Variants in ARHGEF38 observed in about 807,000 individuals in gnomAD.
The protein encoded by ARHGEF38 is Rho guanine nucleotide exchange factor (GEF) 38.
Under a neutral mutation model 79.9 loss-of-function variants are expected in ARHGEF38, and 79 were observed. The ratio of observed to expected loss-of-function variants is 0.99; its 90% CI spans 0.82 to 1.19. The LOEUF (loss-of-function observed/expected upper bound fraction) is 1.19, where lower values mean the gene tolerates loss of function less well. Ranked by LOEUF, ARHGEF38 falls within the 50% of genes most tolerant of loss-of-function variation. The probability of loss-of-function intolerance (pLI) is 0.00; values close to 1 mark genes in which losing one functional copy is unlikely to be tolerated. For synonymous variants in ARHGEF38, 366 were observed against 328.3 expected (o/e 1.11, Z -1.24); for missense variants, 962 against 907.2 (o/e 1.06, Z -0.78).
At chr4:105,633,179 C>T (rs1729264546) in intron 4 of ARHGEF38, 1 of 152,242 alleles carries the variant, frequency 6.6e-6, no homozygotes, top group African/African-American at 2.4e-5. Flanking sequence ...CCAAAAGAAG[C>T]AGTATTGGCA....
chr4:105,641,289 A>G (rs1729604954), intron 5 of ARHGEF38, among the ~76,000 whole-genome samples: 1 of 152,098 alleles, frequency 6.6e-6, no homozygotes, highest in South Asian at 2.1e-4. Flanking sequence ...CCCTATTTCC[A>G]TGGGTAACCA....
Position 105,678,126 on chromosome 4 carries a change from G to T in ARHGEF38, c.*189G>T, listed in dbSNP as rs780789616. ...CATGAATGTATTATAAAGGATACATGTTGAAAGAAATACTAAGCCAACAGA... is the reference window on the plus strand; with the variant it reads ...CATGAATGTATTATAAAGGATACATTTTGAAAGAAATACTAAGCCAACAGA... On this transcript the variant is annotated 3_prime_UTR_variant, in exon 14 of 14. Coordinates refer to ENST00000420470, the MANE Select transcript of ARHGEF38 (RefSeq NM_001242729.2). 9 of 429,256 alleles carry T rather than the reference G, an allele frequency of 2.1e-5. No individual in the cohort carries two copies. Among genetic ancestry groups the T allele is most frequent in the Non-Finnish European group, 3.2e-5 (8 of 251,604 alleles). The allele number at this position is 429,256 out of a possible 1,614,324, so 26.6% of individuals were successfully genotyped here. A position where few individuals can be genotyped will look rare whatever the true frequency, so the allele number is the denominator to read the frequency against.
Position 105,679,216 on chromosome 4 carries a change from G to C in ARHGEF38, c.*1279G>C, listed in dbSNP as rs1472201182. ...GCCTGACCAGCCACTCCTCTGTCTG[G>C]AATTAAAAGATGTTTCCATCATAAT... On this transcript the variant is annotated 3_prime_UTR_variant, in exon 14 of 14. Coordinates refer to ENST00000420470, the MANE Select transcript of ARHGEF38 (RefSeq NM_001242729.2). 1 of 650,476 alleles carries C rather than the reference G, an allele frequency of 1.5e-6. No homozygotes were observed. Among genetic ancestry groups the C allele is most frequent in the Non-Finnish European group, 2.8e-6 (1 of 360,904 alleles). 40.3% of individuals were successfully genotyped at this position (650,476 alleles called of 1,614,324 possible).
intron 1 of ARHGEF38, among the ~76,000 whole-genome samples, chr4:105,571,967 C>T (rs962079681): frequency 2.6e-5 from 4 of 152,162 alleles, no homozygotes; most frequent in African/African-American, 9.7e-5. Flanking sequence ...GATATATAGT[C>T]AAACAGCCTG....
chr4:105,595,340 C>A (rs1450972532), intron 2 of ARHGEF38, among the ~76,000 whole-genome samples: 1 of 151,950 alleles, frequency 6.6e-6, no homozygotes, highest in Non-Finnish European at 1.5e-5. Flanking sequence ...GCCTTATGCT[C>A]AAAAATTTGT....
chr4:105,662,558 T>A (rs1461956316), intron 10 of ARHGEF38, among the ~76,000 whole-genome samples: 1 of 152,188 alleles, frequency 6.6e-6, no homozygotes, highest in African/African-American at 2.4e-5. Flanking sequence ...AATCAATCCA[T>A]GTAGATTTTA....
chr4:105,637,408 T>G (rs1729441771), intron 5 of ARHGEF38, among the ~76,000 whole-genome samples: 5 of 152,132 alleles, frequency 3.3e-5, no homozygotes, highest in Admixed American at 3.3e-4. Context: ...TATCAGTCTT[T>G]TCTTTTCTTT....
intron 1 of ARHGEF38, among the ~76,000 whole-genome samples, chr4:105,586,134 A>G (rs1727034969): frequency 6.6e-6 from 1 of 152,000 alleles, no homozygotes; most frequent in Admixed American, 6.6e-5. Flanking sequence ...TTTTATATAT[A>G]AAAGCTAAGT....
intron 1 of ARHGEF38, among the ~76,000 whole-genome samples, chr4:105,558,631 G>T (rs138471704): frequency 1.1e-4 from 16 of 151,768 alleles, no homozygotes; most frequent in Non-Finnish European, 1.9e-4. Context: ...ATTTTTTTCA[G>T]TAGAGACATC....
chr4:105,630,949 A>G lies in ARHGEF38; in HGVS notation c.560A>G (p.Tyr187Cys), dbSNP rs368669982. Residue 187 changes from tyrosine to cysteine, a missense_variant, in exon 4 of 14, where the codon TAC (tyrosine) becomes TGC (cysteine). Physicochemically the swap from Tyr to Cys is radical, Grantham distance 194. Coordinates refer to ENST00000420470, the MANE Select transcript of ARHGEF38 (RefSeq NM_001242729.2). ...CCACTGGAAGATATTTATAAAATCTACTGCTATCACCATGATGAAGCACAT... is the reference window on the plus strand; with the variant it reads ...CCACTGGAAGATATTTATAAAATCTGCTGCTATCACCATGATGAAGCACAT... ...KGPLEDIYKI[Y>C]CYHHDEAHSI... is the part of the protein sequence containing the mutation. The G allele has an allele frequency of 3.1e-6, 5 of 1,613,072 alleles. No individual in the cohort carries two copies. The African/African-American group carries it at 6.7e-5, about 22-fold the overall frequency.
intron 9 of ARHGEF38, among the ~76,000 whole-genome samples, chr4:105,656,498 A>T (rs902350201): frequency 6.6e-6 from 1 of 152,184 alleles, no homozygotes; most frequent in Non-Finnish European, 1.5e-5. Context: ...AGTTCTATAA[A>T]ATATATCTTG....
intron 3 of ARHGEF38, among the ~76,000 whole-genome samples, chr4:105,618,743 A>G (rs1180151638): frequency 1.3e-5 from 2 of 152,224 alleles, no homozygotes; most frequent in Admixed American, 6.5e-5. Flanking sequence ...TAGAGGAGAA[A>G]TATACTTTTC....
At chr4:105,582,916 A>C (rs1726865099) in intron 1 of ARHGEF38, among the ~76,000 whole-genome samples, 1 of 152,194 alleles carries the variant, frequency 6.6e-6, no homozygotes, top group Admixed American at 6.5e-5. Flanking sequence ...TTTTTGCCTT[A>C]AAGTCTATTT....
intron 2 of ARHGEF38, among the ~76,000 whole-genome samples, chr4:105,610,046 T>G (rs1377970355): frequency 6.6e-6 from 1 of 152,144 alleles, no homozygotes; most frequent in Non-Finnish European, 1.5e-5. Context: ...AATTGGATCA[T>G]GTCCTTTGCA....
chr4:105,679,552 A>G lies in ARHGEF38; in HGVS notation c.*1615A>G, dbSNP rs1177383956. On this transcript the variant is annotated 3_prime_UTR_variant, in exon 14 of 14. Coordinates refer to ENST00000420470, the MANE Select transcript of ARHGEF38 (RefSeq NM_001242729.2). ...GAAATGTGGGCTAAAGCTGCAGCCA[A>G]TGCATCTATCGCCCCTTTCTCTTCT... is the stretch of plus-strand genomic sequence containing the variant. The G allele has an allele frequency of 2.2e-5, 24 of 1,109,080 alleles. No homozygotes were observed. The highest frequency in any genetic ancestry group is 2.9e-4 in the Middle Eastern group (1 of 3,450). The allele number at this position is 1,109,080 out of a possible 1,614,324, so 68.7% of individuals were successfully genotyped here.
chr4:105,625,842 T>C (rs567024312), intron 3 of ARHGEF38, among the ~76,000 whole-genome samples: 5 of 152,306 alleles, frequency 3.3e-5, no homozygotes, highest in Admixed American at 6.5e-5. Flanking sequence ...ACCAACTTAG[T>C]CAATCTTGGC....
chr4:105,665,252 T>C (rs1421929680), intron 10 of ARHGEF38, among the ~76,000 whole-genome samples: 1 of 152,030 alleles, frequency 6.6e-6, no homozygotes, highest in Non-Finnish European at 1.5e-5. Context: ...CCCAGCACTT[T>C]GGGAGGCCGA....
At position 105,645,200 on chromosome 4, in the gene ARHGEF38, C is replaced by T. The variant is rs1354788588; in HGVS notation, c.687C>T (p.Asn229=). 9.3e-6 allele frequency: 14 copies of T among 1,513,252 alleles called. No homozygotes were observed. Among genetic ancestry groups the T allele is most frequent in the Middle Eastern group, 3.4e-4 (2 of 5,908 alleles). The allele number at this position is 1,513,252 out of a possible 1,614,324, so 93.7% of individuals were successfully genotyped here. A position where few individuals can be genotyped will look rare whatever the true frequency, so the allele number is the denominator to read the frequency against. The change falls in exon 6 of 14, where the codon AAC becomes AAT. Residue 229 remains asparagine, a synonymous_variant. Transcript: ENST00000420470. The stretch of plus-strand genomic sequence containing the variant: ...ATCTGTATTGTAGAGGCAAACCAAA[C>T]TTATTGGACATGGGCTCTTTGATGA... ...KKIYMQEGKP[N]LLDMGSLMIK...
At chr4:105,667,374 T>C in intron 12 of ARHGEF38, 47 bp downstream of exon 12, 1 of 1,532,884 alleles carries the variant, frequency 6.5e-7, no homozygotes, top group Non-Finnish European at 8.7e-7. Context: ...CTGAGATTTT[T>C]CTGAGGGCAC....
Sources: gnomAD v4.1 joint callset for allele counts (sites outside exome capture counted in the v4.1 genomes callset) on GRCh38, gnomAD v4.1.1 for gene constraint, MANE v1.5 for transcripts, NCBI Gene and HGNC (gene_info 2026-07-23, HGNC 2026-07-21) for gene names.